The following BRD10 variants were observed in gnomAD, a reference collection of about 807,000 sequenced individuals.
BRD10 encodes uncharacterized bromodomain-containing protein 10.
At chr9:5,913,046 C>T in the BRD10 span, among the ~76,000 whole-genome samples, 2 of 152,214 alleles carry the variant, frequency 1.3e-5, no homozygotes, top group African/African-American at 2.4e-5. Flanking sequence ...AGTCTCTATG[C>T]ATTTCCCTGC....
At chr9:5,883,010 G>A in the BRD10 span, among the ~76,000 whole-genome samples, 4 of 152,122 alleles carry the variant, frequency 2.6e-5, no homozygotes, top group Non-Finnish European at 4.4e-5. Context: ...GGCCTGTTGT[G>A]GAGTGGGGGG....
chr9:5,974,923 A>G, the BRD10 span, among the ~76,000 whole-genome samples: 1 of 152,174 alleles, frequency 6.6e-6, no homozygotes, highest in Non-Finnish European at 1.5e-5. Context: ...AAAAATCATA[A>G]AAGAGTCAGA....
the BRD10 span, chr9:5,920,145 A>C: frequency 5.6e-6 from 9 of 1,613,868 alleles, no homozygotes; most frequent in South Asian, 8.8e-5. Flanking sequence ...TGGCCACTTA[A>C]GGAATTATTT....
the BRD10 span, chr9:5,922,071 T>C: frequency 1.2e-3 from 1,926 of 1,614,012 alleles, 9 homozygotes; most frequent in Middle Eastern, 9.4e-3. Flanking sequence ...AAAACTGAAC[T>C]TGAAGATACA....
At chr9:5,999,105 TAATTCTTTTTTTGGTTATTGGCAAA>T in the BRD10 span, among the ~76,000 whole-genome samples, 2 of 152,070 alleles carry the variant, frequency 1.3e-5, no homozygotes, top group Non-Finnish European at 2.9e-5. Context: ...ATATTTGCCA[TAATTCTTTTTTTGGTTATTGGCAAA>T]GTTGCTAAAA....
chr9:5,998,942 G>C, the BRD10 span, among the ~76,000 whole-genome samples: 1 of 151,916 alleles, frequency 6.6e-6, no homozygotes, highest in South Asian at 2.1e-4. Flanking sequence ...ATATTTAATA[G>C]TTTTTAAATA....
chr9:5,920,034 T>C, the BRD10 span: 1 of 1,614,010 alleles, frequency 6.2e-7, no homozygotes, highest in Admixed American at 1.7e-5. Flanking sequence ...TTAGCAGTTG[T>C]GTTTATGAGT....
chr9:5,919,880 A>C, the BRD10 span: 109 of 1,613,878 alleles, frequency 6.8e-5, no homozygotes, highest in Non-Finnish European at 2.3e-5. Flanking sequence ...AGGTGGGTCC[A>C]AATGAAACAC....
chr9:5,881,688 A>T, the BRD10 span: 18 of 152,338 alleles, frequency 1.2e-4, no homozygotes, highest in African/African-American at 4.3e-4. Flanking sequence ...GTCAAGAAGG[A>T]TATGATATTT....
the BRD10 span, among the ~76,000 whole-genome samples, chr9:5,976,683 T>G: frequency 6.6e-6 from 1 of 152,036 alleles, no homozygotes; most frequent in Admixed American, 6.6e-5. Context: ...TGACACTTTG[T>G]TTTTTTCCAA....
At chr9:5,993,078 G>A in the BRD10 span, among the ~76,000 whole-genome samples, 1 of 152,164 alleles carries the variant, frequency 6.6e-6, no homozygotes, top group African/African-American at 2.4e-5. Context: ...CACTTTGGGA[G>A]GCCAAGGCGG....
the BRD10 span, among the ~76,000 whole-genome samples, chr9:5,953,804 T>A: frequency 1.2e-3 from 177 of 152,198 alleles, 1 homozygote; most frequent in Middle Eastern, 0.014. Flanking sequence ...GTTTTTATTA[T>A]TAAAAGACAA....
At chr9:5,989,559 G>C in the BRD10 span, among the ~76,000 whole-genome samples, 2 of 65,348 alleles carry the variant, frequency 3.1e-5, no homozygotes, top group Admixed American at 3.5e-4. Context: ...TTTTTTTTTT[G>C]AGACAGAGAC....
chr9:5,927,485 TA>T, the BRD10 span, among the ~76,000 whole-genome samples: 1 of 152,178 alleles, frequency 6.6e-6, no homozygotes, highest in Non-Finnish European at 1.5e-5. Context: ...TCCATTTCTC[TA>T]TTCCACCTTA....
At chr9:5,990,684 G>C in the BRD10 span, among the ~76,000 whole-genome samples, 1 of 152,170 alleles carries the variant, frequency 6.6e-6, no homozygotes, top group East Asian at 1.9e-4. Context: ...AACCAACCAT[G>C]GTGCTGCTTC....
At chr9:5,886,409 A>T in the BRD10 span, among the ~76,000 whole-genome samples, 1 of 152,212 alleles carries the variant, frequency 6.6e-6, no homozygotes, top group African/African-American at 2.4e-5. Context: ...TGCTAGGCGT[A>T]TTCTGTGCCA....
the BRD10 span, among the ~76,000 whole-genome samples, chr9:5,929,767 T>C: frequency 6.6e-6 from 1 of 152,122 alleles, no homozygotes; most frequent in East Asian, 1.9e-4. Context: ...TATATATATA[T>C]CTAGAGAGAG....
the BRD10 span, among the ~76,000 whole-genome samples, chr9:5,940,426 CT>C: frequency 1.3e-5 from 2 of 152,142 alleles, no homozygotes; most frequent in Non-Finnish European, 2.9e-5. Flanking sequence ...AACTCCCAAC[CT>C]TGTGATCCGC....
the BRD10 span, among the ~76,000 whole-genome samples, chr9:5,991,596 G>C: frequency 6.8e-3 from 1,033 of 151,964 alleles, 14 homozygotes; most frequent in African/African-American, 0.024. Flanking sequence ...GATGGCACGT[G>C]CACCTGTAGT....
Sources: allele counts gnomAD v4.1 joint callset (sites outside exome capture counted in the v4.1 genomes callset), GRCh38; gene constraint gnomAD v4.1.1; transcripts MANE v1.5; gene names NCBI Gene and HGNC (gene_info 2026-07-23, HGNC 2026-07-21).